NFIA: variants seen among roughly 807,000 people sequenced by gnomAD.
NFIA encodes nuclear factor 1 A-type.
NFIA carries 8 observed loss-of-function variants against 62.8 expected under a neutral mutation model. The ratio of observed to expected loss-of-function variants is 0.13; its 90% CI spans 0.07 to 0.23. NFIA has a LOEUF of 0.23. Ranked by LOEUF, NFIA falls within the 10% of genes least tolerant of loss-of-function variation. NFIA has a pLI of 1.00. For synonymous variants in NFIA, 235 were observed against 238.1 expected (o/e 0.99, Z 0.12); for missense variants, 410 against 642.1 (o/e 0.64, Z 3.91).
intron 2 of NFIA, among the ~76,000 whole-genome samples, chr1:61,266,867 A>G (rs1334669333): frequency 6.6e-6 from 1 of 152,244 alleles, no homozygotes; most frequent in Non-Finnish European, 1.5e-5. Context: ...GCTTCCAAGC[A>G]GTGAACAGTT....
At chr1:61,153,989 C>T (rs547114305) in intron 2 of NFIA, among the ~76,000 whole-genome samples, 1 of 152,174 alleles carries the variant, frequency 6.6e-6, no homozygotes, top group South Asian at 2.1e-4. Flanking sequence ...ACATTTTCTC[C>T]CTTTAGTCAA....
At position 61,135,875 on chromosome 1, in the gene NFIA, C is replaced by T. The variant is rs923978976; in HGVS notation, c.559+47195C>T. Reference sequence around the variant, plus strand: ...ATCCTTATCCTTGTCTGGACATATCCATAGAGCACGCATTTTAAATCTGAA... The same window carrying T: ...ATCCTTATCCTTGTCTGGACATATCTATAGAGCACGCATTTTAAATCTGAA... On this transcript the variant is annotated intron_variant, in intron 2 of 10. Coordinates refer to ENST00000403491, the MANE Select transcript of NFIA (RefSeq NM_001134673.4). Among the ~76,000 whole-genome samples the T allele has an allele frequency of 2.0e-5, 3 of 152,122 alleles. No individual in the cohort carries two copies. The East Asian group carries it at 5.8e-4, about 29-fold the overall frequency.
At chr1:61,274,754 T>C (rs1360545050) in intron 2 of NFIA, among the ~76,000 whole-genome samples, 1 of 152,236 alleles carries the variant, frequency 6.6e-6, no homozygotes, top group Non-Finnish European at 1.5e-5. Context: ...AAGAGATCTT[T>C]CATTTGTATC....
intron 9 of NFIA, among the ~76,000 whole-genome samples, chr1:61,419,087 C>T (rs1046015663): frequency 4.6e-5 from 7 of 152,100 alleles, no homozygotes; most frequent in Non-Finnish European, 1.0e-4. Flanking sequence ...TGAACTGAAA[C>T]AAAGTTGTAT....
At chr1:61,377,616 T>C (rs867774664) in intron 6 of NFIA, among the ~76,000 whole-genome samples, 10 of 152,190 alleles carry the variant, frequency 6.6e-5, no homozygotes, top group African/African-American at 2.4e-4. Flanking sequence ...GTTGCTTGCT[T>C]TCAGAGTTTC....
chr1:61,234,932 G>A (rs2100637129), intron 2 of NFIA, among the ~76,000 whole-genome samples: 1 of 152,320 alleles, frequency 6.6e-6, no homozygotes, highest in Admixed American at 6.5e-5. Context: ...GGCCATACCA[G>A]TTGGCATCTG....
chr1:61,277,411 T>C (rs2100276020), intron 2 of NFIA, 109 bp from the exon 3 acceptor site: 1 of 925,010 alleles, frequency 1.1e-6, no homozygotes, highest in East Asian at 2.5e-5. Context: ...ATTTCTGTAA[T>C]GTTCCCTTTC....
At chr1:61,231,801 C>CACAGAGAG (rs1456497907) in intron 2 of NFIA, among the ~76,000 whole-genome samples, 10 of 152,128 alleles carry the variant, frequency 6.6e-5, no homozygotes, top group African/African-American at 1.9e-4. Context: ...AGAATAGCCA[C>CACAGAGAG]TGTACTCCAG....
chr1:61,121,390 C>G (rs978535149), intron 2 of NFIA, among the ~76,000 whole-genome samples: 9 of 152,146 alleles, frequency 5.9e-5, no homozygotes, highest in Admixed American at 5.9e-4. Context: ...GACCCTCCTC[C>G]TCCCCAAGAA....
chr1:61,214,985 A>G (rs1653520015), intron 2 of NFIA, among the ~76,000 whole-genome samples: 1 of 152,162 alleles, frequency 6.6e-6, no homozygotes, highest in South Asian at 2.1e-4. Context: ...CACTTCCCTA[A>G]TGCCAGGTAG....
At chr1:61,092,098 A>C (rs938335983) in intron 2 of NFIA, among the ~76,000 whole-genome samples, 14 of 152,298 alleles carry the variant, frequency 9.2e-5, no homozygotes, top group Middle Eastern at 3.4e-3. Context: ...AAAATCTAAA[A>C]TTAAACAAAT....
chr1:61,289,843 G>A (rs1250314688), intron 3 of NFIA, among the ~76,000 whole-genome samples: 3 of 152,124 alleles, frequency 2.0e-5, no homozygotes, highest in South Asian at 2.1e-4. Flanking sequence ...GAACTAACAG[G>A]ACTGTTTCTG....
At chr1:61,401,824 C>T (rs1255585249) in intron 7 of NFIA, among the ~76,000 whole-genome samples, 1 of 152,064 alleles carries the variant, frequency 6.6e-6, no homozygotes, top group Non-Finnish European at 1.5e-5. Flanking sequence ...CGCAGGGTAC[C>T]GAGTACAAGT....
intron 2 of NFIA, among the ~76,000 whole-genome samples, chr1:61,133,229 T>C (rs1217623642): frequency 6.6e-6 from 1 of 151,672 alleles, no homozygotes; most frequent in African/African-American, 2.4e-5. Flanking sequence ...AGGCTAGCTG[T>C]GTGGAGGAAT....
chr1:61,202,974 A>T (rs925518695), intron 2 of NFIA, among the ~76,000 whole-genome samples: 2 of 152,204 alleles, frequency 1.3e-5, no homozygotes, highest in East Asian at 3.8e-4. Context: ...AACAACAAAA[A>T]CTGGTCATCC....
chr1:61,276,766 A>G (rs749179544), intron 2 of NFIA, among the ~76,000 whole-genome samples: 1 of 152,144 alleles, frequency 6.6e-6, no homozygotes, highest in Non-Finnish European at 1.5e-5. Context: ...TCATTTAGAA[A>G]TTAAGTTAAT....
At chr1:61,289,971 T>G (rs770079649) in intron 3 of NFIA, among the ~76,000 whole-genome samples, 8 of 151,514 alleles carry the variant, frequency 5.3e-5, no homozygotes, top group Non-Finnish European at 1.2e-4. Context: ...CATTGCCTCA[T>G]AGACATGAAC....
At chr1:61,263,649 A>ACCAGTGTT (rs1656914169) in intron 2 of NFIA, among the ~76,000 whole-genome samples, 1 of 152,270 alleles carries the variant, frequency 6.6e-6, no homozygotes, top group South Asian at 2.1e-4. Flanking sequence ...ACACAGAGAC[A>ACCAGTGTT]CTCCATGTTC....
At chr1:61,362,204 A>G (rs527647522) in intron 6 of NFIA, among the ~76,000 whole-genome samples, 5 of 152,116 alleles carry the variant, frequency 3.3e-5, no homozygotes, top group Non-Finnish European at 4.4e-5. Flanking sequence ...TCCCACACTT[A>G]TGCAGGCCTG....
Sources: gnomAD v4.1 joint callset for allele counts (sites outside exome capture counted in the v4.1 genomes callset) on GRCh38, gnomAD v4.1.1 for gene constraint, MANE v1.5 for transcripts, NCBI Gene and HGNC (gene_info 2026-07-23, HGNC 2026-07-21) for gene names.